The following MRC2 variants were observed in gnomAD, a reference collection of about 807,000 sequenced individuals.
The protein encoded by MRC2 is mannose receptor C-type 2.
A neutral mutation model predicts 206.2 loss-of-function variants in MRC2; 84 were observed. The observed-to-expected ratio is 0.41, with a 90% confidence interval of 0.34 to 0.49. The LOEUF (loss-of-function observed/expected upper bound fraction) is 0.49. Among genes scored for constraint, MRC2 ranks in the 20% least tolerant of loss-of-function variants. MRC2 has a pLI of 0.31. For synonymous variants in MRC2, 798 were observed against 800.0 expected (o/e 1.00, Z 0.04); for missense variants, 1,676 against 2,001.5 (o/e 0.84, Z 3.10).
intron 1 of MRC2, among the ~76,000 whole-genome samples, chr17:62,640,778 A>G (rs1287870156): frequency 6.7e-6 from 1 of 149,084 alleles, no homozygotes; most frequent in African/African-American, 2.5e-5. Context: ...TCTGCCTCCC[A>G]GGTTCACGCC....
At chr17:62,639,071 A>G (rs1382322287) in intron 1 of MRC2, among the ~76,000 whole-genome samples, 1 of 152,258 alleles carries the variant, frequency 6.6e-6, no homozygotes, top group East Asian at 1.9e-4. Context: ...ACAGTGGCTC[A>G]TGCCTGTAAT....
rs1442183326 is a variant in MRC2, at chr17:62,671,710, C to T, written c.1179C>T (p.Cys393=). Residue 393 remains cysteine (C), a synonymous_variant, in exon 7 of 30, where the codon TGC becomes TGT. Coordinates refer to ENST00000303375, the MANE Select transcript of MRC2 (RefSeq NM_006039.5). The surrounding 1 kb of genome is among the most constrained non-coding windows in gnomAD (Gnocchi z 4.5). ...GCTGGCAGCCCTTCCAGGGCCACTG[C>T]TACCGCCTGCAGGCCGAGAAGCGCA... ...EPSWQPFQGH[C]YRLQAEKRSW... 4 of 1,612,184 alleles carry T rather than the reference C, an allele frequency of 2.5e-6. No individual in the cohort carries two copies. The Admixed American group carries it at 5.0e-5, about 20-fold the overall frequency.
rs759089145 is a variant in MRC2, at chr17:62,664,986, C to T, written c.520+37C>T. 12 of 1,564,690 alleles carry T rather than the reference C, an allele frequency of 7.7e-6. No individual in the cohort carries two copies. The highest frequency in any genetic ancestry group is 1.7e-5 in the Admixed American group (1 of 57,788). ...CTTGCAGGCGGGAGGGTGGGGTCCC[C>T]GATGTCCAGGGGACTGGAGCCATGA... On this transcript the variant is annotated intron_variant, in intron 2 of 29. Coordinates refer to ENST00000303375, the MANE Select transcript of MRC2 (RefSeq NM_006039.5). The surrounding 1 kb of genome is among the most constrained non-coding windows in gnomAD (Gnocchi z 4.7).
Position 62,649,895 on chromosome 17 carries a change from T to A in MRC2, c.119-14653T>A, listed in dbSNP as rs912017503. On this transcript the variant is annotated intron_variant, in intron 1 of 29. Coordinates refer to ENST00000303375, the MANE Select transcript of MRC2 (RefSeq NM_006039.5). The stretch of plus-strand genomic sequence containing the variant: ...CCTTCTTGTCATTCTTTTTTTTTTT[T>A]AATTTTTTTTAAAATTTTTTTGAGA... Among the ~76,000 whole-genome samples, 7 of 151,580 alleles carry A rather than the reference T, an allele frequency of 4.6e-5. No individual in the cohort carries two copies. In the East Asian group the frequency reaches 7.7e-4, roughly 17 times the overall value.
At position 62,676,297 on chromosome 17, in the gene MRC2, C is replaced by T. The variant is rs956540958; in HGVS notation, c.1686-86C>T. 17 of 1,543,408 alleles carry T rather than the reference C, an allele frequency of 1.1e-5. No individual in the cohort carries two copies. The Admixed American group carries it at 1.1e-4, about 10-fold the overall frequency. ...CAAGTTATTGGTCGGGTGCAGCACCCGAGCTCCCACGGTAGGGCGTCTGGC... is the reference window on the plus strand; with the variant it reads ...CAAGTTATTGGTCGGGTGCAGCACCTGAGCTCCCACGGTAGGGCGTCTGGC... On this transcript the variant is annotated intron_variant, in intron 10 of 29. Transcript: ENST00000303375.
chr17:62,657,913 C>T (rs2088636984), intron 1 of MRC2, among the ~76,000 whole-genome samples: 1 of 152,262 alleles, frequency 6.6e-6, no homozygotes, highest in East Asian at 1.9e-4. Context: ...TCAAGAACCC[C>T]CTGACCCCGG....
intron 1 of MRC2, among the ~76,000 whole-genome samples, chr17:62,647,186 C>CTTTTTTT (rs34733419): frequency 7.3e-6 from 1 of 136,368 alleles, no homozygotes; most frequent in Non-Finnish European, 1.5e-5. Flanking sequence ...TTTTCTTTTT[C>CTTTTTTT]TTTTTTTTTT....
At position 62,681,046 on chromosome 17, in the gene MRC2, C is replaced by A; in HGVS notation, c.2635-16C>A. 2.5e-6 allele frequency: 4 copies of A among 1,613,172 alleles called. No individual in the cohort carries two copies. The highest frequency in any genetic ancestry group is 3.4e-6 in the Non-Finnish European group (4 of 1,179,924). On this transcript the variant is annotated splice_polypyrimidine_tract_variant and intron_variant, in intron 17 of 29. Transcript: ENST00000303375. ...AGGGGGCTGCCTACCCACACCTGCC[C>A]GCCTGGCTTCTCCAGTTCTCCCGGG...
rs184397209 is a variant in MRC2 at position 62,663,867 on chromosome 17, G to T, written c.119-681G>T. Among the ~76,000 whole-genome samples the T allele has an allele frequency of 9.2e-5, 14 of 151,470 alleles. No homozygotes were observed. The East Asian group carries it at 2.5e-3, about 27-fold the overall frequency. ...TGTAATAGAGATTGAGATTGAGGTTGCAACGTGGTGTGTGGTGTAAATGCC... is the reference window on the plus strand; with the variant it reads ...TGTAATAGAGATTGAGATTGAGGTTTCAACGTGGTGTGTGGTGTAAATGCC... On this transcript the variant is annotated intron_variant, in intron 1 of 29. Transcript: ENST00000303375.
intron 1 of MRC2, among the ~76,000 whole-genome samples, chr17:62,653,670 G>C (rs1166053623): frequency 6.6e-6 from 1 of 152,156 alleles, no homozygotes; most frequent in African/African-American, 2.4e-5. Context: ...GTGTGTGTAG[G>C]TTTTAGGCAC....
chr17:62,689,199 G>A (rs758389435), intron 23 of MRC2, among the ~76,000 whole-genome samples: 1 of 152,174 alleles, frequency 6.6e-6, no homozygotes, highest in Non-Finnish European at 1.5e-5. Context: ...TAGACGCTGG[G>A]CTGCATGAAG....
intron 23 of MRC2, 152 bp downstream of exon 23, chr17:62,689,112 T>C (rs2089068634): frequency 4.5e-6 from 3 of 663,446 alleles, no homozygotes; most frequent in South Asian, 3.7e-5. Flanking sequence ...GCCAATAAGA[T>C]GGAAAAGCAA....
intron 6 of MRC2, among the ~76,000 whole-genome samples, chr17:62,668,787 G>A (rs1463380223): frequency 6.6e-6 from 1 of 152,130 alleles, no homozygotes; most frequent in South Asian, 2.1e-4. Context: ...ACAGCTTTAG[G>A]GGCCTCGTGG....
intron 1 of MRC2, among the ~76,000 whole-genome samples, chr17:62,661,435 T>C (rs1402628043): frequency 6.6e-6 from 1 of 152,198 alleles, no homozygotes; most frequent in Non-Finnish European, 1.5e-5. Context: ...GTTGATACTT[T>C]CCCTAAGTTT....
chr17:62,651,958 G>A (rs901868518), intron 1 of MRC2, among the ~76,000 whole-genome samples: 1 of 152,160 alleles, frequency 6.6e-6, no homozygotes, highest in Admixed American at 6.5e-5. Context: ...TTGTTTGTGG[G>A]GGGGTATCTA....
At chr17:62,655,510 C>G (rs1378725624) in intron 1 of MRC2, among the ~76,000 whole-genome samples, 1 of 152,036 alleles carries the variant, frequency 6.6e-6, no homozygotes, top group African/African-American at 2.4e-5. Context: ...CCACTGCACT[C>G]CAGCCTGGGC....
In MRC2 at chr17:62,666,999, C is replaced by A. The variant is rs1003895989; in HGVS notation, c.973+129C>A. 2 of 748,688 alleles carry A rather than the reference C, an allele frequency of 2.7e-6. No homozygotes were observed. Among genetic ancestry groups the A allele is most frequent in the Admixed American group, 2.4e-5 (1 of 41,772 alleles). The allele number at this position is 748,688 out of a possible 1,614,324, so 46.4% of individuals were successfully genotyped here. A position where few individuals can be genotyped will look rare whatever the true frequency, so the allele number is the denominator to read the frequency against. ...GTAGGGGAAGCACCGACCTCCACCCCCCTCCCCAGACTGCGCCCCCCTAGC... is the reference window on the plus strand; with the variant it reads ...GTAGGGGAAGCACCGACCTCCACCCACCTCCCCAGACTGCGCCCCCCTAGC... On this transcript the variant is annotated intron_variant, in intron 5 of 29. Transcript: ENST00000303375. The surrounding 1 kb of genome is among the most constrained non-coding windows in gnomAD (Gnocchi z 5.0).
At chr17:62,678,765 C>A in intron 13 of MRC2, 119 bp downstream of exon 13, 1 of 1,426,674 alleles carries the variant, frequency 7.0e-7, no homozygotes, top group African/African-American at 1.5e-5. Flanking sequence ...TGGGTGACCC[C>A]AGGGAGGCCT....
Position 62,671,743 on chromosome 17 carries a change from G to A in MRC2, c.1212G>A (p.Gln404=). 1.2e-6 allele frequency: 2 copies of A among 1,613,396 alleles called. No individual in the cohort carries two copies. ...TGCAGGCCGAGAAGCGCAGCTGGCA[G>A]GAGTCCAAGAAGGCATGTCTACGGG... ...YRLQAEKRSW[Q]ESKKACLRGG... is the part of the protein sequence containing the mutation. Residue 404 remains glutamine, a synonymous_variant, in exon 7 of 30, where the codon CAG becomes CAA. Coordinates refer to ENST00000303375, the MANE Select transcript of MRC2 (RefSeq NM_006039.5). The surrounding 1 kb of genome is among the most constrained non-coding windows in gnomAD (Gnocchi z 4.5).
Sources: allele counts gnomAD v4.1 joint callset (sites outside exome capture counted in the v4.1 genomes callset), GRCh38; gene constraint gnomAD v4.1.1; non-coding constraint Gnocchi (gnomAD v3.1); transcripts MANE v1.5; gene names NCBI Gene and HGNC (gene_info 2026-07-23, HGNC 2026-07-21).